KCNMA1: variants seen among roughly 807,000 people sequenced by gnomAD.
The protein encoded by KCNMA1 is potassium calcium-activated channel subfamily M alpha 1.
Under a neutral mutation model 140.0 loss-of-function variants are expected in KCNMA1, and 29 were observed. That is an observed-to-expected ratio of 0.21 (90% CI 0.15 to 0.28). The LOEUF (loss-of-function observed/expected upper bound fraction) is 0.28. KCNMA1 is among the 10% of genes least tolerant of loss of function. The probability of loss-of-function intolerance (pLI) is 1.00; values close to 1 mark genes in which losing one functional copy is unlikely to be tolerated. For missense variants in KCNMA1, 880 were observed against 1,602.2 expected (o/e 0.55, Z 7.70); for synonymous variants, 612 against 611.9 (o/e 1.00, Z 0.00).
intron 5 of KCNMA1, among the ~76,000 whole-genome samples, chr10:77,161,733 G>T (rs1235440544): frequency 6.6e-6 from 1 of 152,122 alleles, no homozygotes; most frequent in Non-Finnish European, 1.5e-5. Flanking sequence ...AGCAATAAGT[G>T]CTCTGCATAC....
In KCNMA1 at chr10:77,003,281, A is replaced by T. The variant is rs541942456; in HGVS notation, c.2093-1701T>A. Among the ~76,000 whole-genome samples the T allele has an allele frequency of 4.0e-5, 6 of 151,360 alleles. No individual in the cohort carries two copies. In the South Asian group the frequency reaches 1.3e-3, roughly 32 times the overall value. ...CCCCAGCCCTGTTCAATGGTGGTAT[A>T]TCATTCCTTTGAGCTTTAGCTTTTA... On this transcript the variant is annotated intron_variant, in intron 18 of 27. Transcript: ENST00000286628.
At position 76,925,962 on chromosome 10, in the gene KCNMA1, G is replaced by A. The variant is rs187643711; in HGVS notation, c.2903-10913C>T. Among the ~76,000 whole-genome samples, 4 of 152,310 alleles carry A rather than the reference G, an allele frequency of 2.6e-5. No homozygotes were observed. The East Asian group carries it at 5.8e-4, about 22-fold the overall frequency. ...CTCTGAATGGTTCTAGAGACAAGAC[G>A]CCTGGCCCAAGATAGCACCAAGGTT... is the stretch of plus-strand genomic sequence containing the variant. On this transcript the variant is annotated intron_variant, in intron 23 of 27. Transcript: ENST00000286628.
chr10:76,923,000 T>C (rs554558149), intron 23 of KCNMA1, among the ~76,000 whole-genome samples: 10 of 152,308 alleles, frequency 6.6e-5, no homozygotes, highest in African/African-American at 2.2e-4. Flanking sequence ...CTATTTACAG[T>C]AACTAACAGT....
At chr10:77,578,447 C>A (rs2154562407) in intron 1 of KCNMA1, among the ~76,000 whole-genome samples, 1 of 152,288 alleles carries the variant, frequency 6.6e-6, no homozygotes, top group South Asian at 2.1e-4. Flanking sequence ...AAGGGGCTTC[C>A]AGTTAAGTCC....
chr10:77,261,148 A>C (rs2061905716), intron 2 of KCNMA1, among the ~76,000 whole-genome samples: 1 of 152,148 alleles, frequency 6.6e-6, no homozygotes. Flanking sequence ...AAATCAGGTC[A>C]CTTCAAAGTG....
chr10:76,984,899 A>T (rs188367885), intron 19 of KCNMA1, among the ~76,000 whole-genome samples: 1 of 152,216 alleles, frequency 6.6e-6, no homozygotes, highest in Non-Finnish European at 1.5e-5. Flanking sequence ...TATTTATTTT[A>T]GAGAAATAAA....
At chr10:77,617,042 A>G (rs950755106) in intron 1 of KCNMA1, among the ~76,000 whole-genome samples, 2 of 152,226 alleles carry the variant, frequency 1.3e-5, no homozygotes, top group African/African-American at 4.8e-5. Context: ...GCTCATTGAG[A>G]CATTACAATT....
intron 5 of KCNMA1, among the ~76,000 whole-genome samples, chr10:77,181,658 G>A (rs2098803519): frequency 6.6e-6 from 1 of 152,088 alleles, no homozygotes; most frequent in South Asian, 2.1e-4. Context: ...TGGCACCCAG[G>A]GCCACGTAAG....
Position 76,887,044 on chromosome 10 carries a change from A to G in KCNMA1, c.*222T>C. 7.0e-7 allele frequency: 1 copy of G among 1,437,760 alleles called. No individual in the cohort carries two copies. Among genetic ancestry groups the G allele is most frequent in the Non-Finnish European group, 9.1e-7 (1 of 1,093,676 alleles). 89.1% of individuals were successfully genotyped at this position (1,437,760 alleles called of 1,614,324 possible). ...TGGGTTATTTTTCCCCCAGAATCAT[A>G]AATAACTTTTGGTCCGTCTGCTTAT... On this transcript the variant is annotated 3_prime_UTR_variant, in exon 28 of 28. Transcript: ENST00000286628.
intron 7 of KCNMA1, among the ~76,000 whole-genome samples, chr10:77,111,714 G>A (rs935637493): frequency 6.6e-6 from 1 of 152,168 alleles, no homozygotes; most frequent in African/African-American, 2.4e-5. Flanking sequence ...GCCACTGGTG[G>A]TCAACTTTAT....
At chr10:77,447,712 CA>C (rs2097555151) in intron 1 of KCNMA1, among the ~76,000 whole-genome samples, 1 of 152,180 alleles carries the variant, frequency 6.6e-6, no homozygotes, top group South Asian at 2.1e-4. Context: ...GGATCAAGAA[CA>C]GGGGCTCATT....
intron 1 of KCNMA1, among the ~76,000 whole-genome samples, chr10:77,581,941 A>T (rs993261044): frequency 6.6e-6 from 1 of 152,282 alleles, no homozygotes; most frequent in African/African-American, 2.4e-5. Flanking sequence ...GCCAGCTGTC[A>T]TCGGTCTCTG....
intron 3 of KCNMA1, among the ~76,000 whole-genome samples, chr10:77,240,853 G>GA (rs1393788939): frequency 2.6e-5 from 4 of 152,134 alleles, no homozygotes; most frequent in South Asian, 2.1e-4. Flanking sequence ...AACATCAGAT[G>GA]AAAAAAATGT....
intron 19 of KCNMA1, among the ~76,000 whole-genome samples, chr10:77,000,901 T>TATATATATATATATA (rs2086175182): frequency 7.9e-6 from 1 of 126,300 alleles, no homozygotes; most frequent in Non-Finnish European, 1.7e-5. Context: ...TATATATATA[T>TATATATATATATATA]CCATCTGCAT....
chr10:76,926,627 T>TTTG (rs2057764007), intron 23 of KCNMA1, among the ~76,000 whole-genome samples: 2 of 152,302 alleles, frequency 1.3e-5, no homozygotes, highest in Admixed American at 6.5e-5. Flanking sequence ...GTTGTAGCAA[T>TTTG]GTCCCAAATC....
intron 2 of KCNMA1, among the ~76,000 whole-genome samples, chr10:77,258,821 G>A (rs1381189346): frequency 2.0e-5 from 3 of 152,016 alleles, no homozygotes; most frequent in African/African-American, 7.2e-5. Flanking sequence ...AAATTAGCTG[G>A]GTGTGGTGGC....
intron 18 of KCNMA1, among the ~76,000 whole-genome samples, chr10:77,003,186 C>T (rs2087075106): frequency 6.6e-6 from 1 of 152,188 alleles, no homozygotes; most frequent in African/African-American, 2.4e-5. Context: ...TTCTTGTAAA[C>T]TTGGCTCACA....
intron 1 of KCNMA1, among the ~76,000 whole-genome samples, chr10:77,532,083 G>A (rs987653472): frequency 1.3e-5 from 2 of 152,330 alleles, no homozygotes; most frequent in African/African-American, 4.8e-5. Flanking sequence ...TTATCTCTCT[G>A]AAGTGTTTTC....
At chr10:77,341,117 G>T (rs2090807180) in intron 2 of KCNMA1, among the ~76,000 whole-genome samples, 1 of 152,150 alleles carries the variant, frequency 6.6e-6, no homozygotes, top group African/African-American at 2.4e-5. Flanking sequence ...CTCCACAAAA[G>T]CTGTGTGATC....
Sources: gnomAD v4.1 joint callset for allele counts (sites outside exome capture counted in the v4.1 genomes callset) on GRCh38, gnomAD v4.1.1 for gene constraint, MANE v1.5 for transcripts, NCBI Gene and HGNC (gene_info 2026-07-23, HGNC 2026-07-21) for gene names.